The following DOCK3 variants were observed in gnomAD, a reference collection of about 807,000 sequenced individuals.
The protein encoded by DOCK3 is dedicator of cytokinesis 3, also known as dedicator of cytokinesis protein 3.
Under a neutral mutation model 265.6 loss-of-function variants are expected in DOCK3, and 60 were observed. The ratio of observed to expected loss-of-function variants is 0.23; its 90% CI spans 0.18 to 0.28. DOCK3 has a LOEUF of 0.28. DOCK3 is among the 10% of genes least tolerant of loss of function. The pLI is 1.00. For missense variants in DOCK3, 1,981 were observed against 2,594.3 expected (o/e 0.76, Z 5.14); for synonymous variants, 881 against 938.0 (o/e 0.94, Z 1.11).
At chr3:50,707,799 G>A (rs2036511236) in intron 1 of DOCK3, among the ~76,000 whole-genome samples, 1 of 152,132 alleles carries the variant, frequency 6.6e-6, no homozygotes, top group Non-Finnish European at 1.5e-5. Context: ...GGTGGCAGTG[G>A]CAGTGGTGTG....
chr3:50,965,811 T>C (rs1405989844), intron 5 of DOCK3, among the ~76,000 whole-genome samples: 3 of 152,140 alleles, frequency 2.0e-5, no homozygotes, highest in African/African-American at 7.2e-5. Context: ...TTAAAAATAT[T>C]TAATTGACAA....
chr3:51,261,216 C>T (rs1040917229), intron 23 of DOCK3, among the ~76,000 whole-genome samples: 19 of 151,358 alleles, frequency 1.3e-4, no homozygotes, highest in African/African-American at 3.4e-4. Flanking sequence ...CTGAGGTACC[C>T]GGCTCATCTC....
intron 1 of DOCK3, chr3:50,719,343 G>A: frequency 3.2e-6 from 1 of 314,704 alleles, no homozygotes; most frequent in South Asian, 7.5e-5. Context: ...GGAAGAGAAT[G>A]AGGAAAATAT....
chr3:50,700,795 A>G (rs2035989188), intron 1 of DOCK3, among the ~76,000 whole-genome samples: 4 of 152,110 alleles, frequency 2.6e-5, no homozygotes, highest in African/African-American at 9.7e-5. Context: ...TTGGATAGAT[A>G]CTCGGTAGTG....
chr3:51,127,239 A>G lies in DOCK3; in HGVS notation c.747-19310A>G, dbSNP rs185519953. ...GATTAAGGGTAGGTCTGCCTTCCCC[A>G]GCCCTCTGACTCAAATGTTAATCTC... On this transcript the variant is annotated intron_variant, in intron 9 of 52. Transcript: ENST00000266037. Among the ~76,000 whole-genome samples the G allele has an allele frequency of 3.8e-3, 583 of 152,212 alleles. 2 individuals are homozygous for G. Among genetic ancestry groups the G allele is most frequent in the Non-Finnish European group, 6.9e-3 (466 of 68,008 alleles).
At chr3:51,330,537 C>T (rs2084445841) in intron 33 of DOCK3, among the ~76,000 whole-genome samples, 1 of 152,178 alleles carries the variant, frequency 6.6e-6, no homozygotes, top group Admixed American at 6.5e-5. Flanking sequence ...CATGGAGACT[C>T]AGTTCTGGGC....
At chr3:50,885,261 G>C (rs72937243) in intron 3 of DOCK3, among the ~76,000 whole-genome samples, 3,117 of 151,894 alleles carry the variant, frequency 0.021, 106 homozygotes, top group African/African-American at 0.071. Context: ...TTCATTGTAT[G>C]GATGTGCTAC....
At chr3:51,029,049 A>C (rs2079931499) in intron 5 of DOCK3, among the ~76,000 whole-genome samples, 1 of 151,994 alleles carries the variant, frequency 6.6e-6, no homozygotes. Context: ...TCTTTTTTTA[A>C]AAATTTACTT....
intron 27 of DOCK3, among the ~76,000 whole-genome samples, chr3:51,281,293 A>C (rs2081102598): frequency 8.1e-6 from 1 of 123,834 alleles, no homozygotes. Flanking sequence ...ATATATATAT[A>C]TATATATATA....
At position 51,270,871 on chromosome 3, in the gene DOCK3, C is replaced by T. The variant is rs766555955; in HGVS notation, c.2412C>T (p.Thr804=). 25 of 1,613,856 alleles carry T rather than the reference C, an allele frequency of 1.5e-5. No individual in the cohort carries two copies. The highest frequency in any genetic ancestry group is 1.2e-4 in the South Asian group (11 of 91,084). The part of the protein sequence containing the change: ...TIFDELLQMF[T]VQEVAEFVRG... The stretch of plus-strand genomic sequence containing the variant: ...TTGATGAGCTTCTGCAAATGTTCAC[C>T]GTGCAAGAGGTGGCAGAGTTTGTGA... Residue 804 remains threonine, a synonymous_variant, in exon 24 of 53, where the codon ACC becomes ACT. Transcript: ENST00000266037.
intron 49 of DOCK3, among the ~76,000 whole-genome samples, chr3:51,363,556 A>G (rs888072319): frequency 6.6e-6 from 1 of 152,214 alleles, no homozygotes; most frequent in Non-Finnish European, 1.5e-5. Flanking sequence ...GTTACTATGT[A>G]TACATGTGCC....
At chr3:51,079,355 C>T (rs1179691449) in intron 7 of DOCK3, among the ~76,000 whole-genome samples, 1 of 151,956 alleles carries the variant, frequency 6.6e-6, no homozygotes, top group Non-Finnish European at 1.5e-5. Flanking sequence ...TGTTTTGAGA[C>T]AGAGTCTGTC....
At chr3:51,329,194 T>G (rs1428988058) in intron 32 of DOCK3, among the ~76,000 whole-genome samples, 1 of 152,114 alleles carries the variant, frequency 6.6e-6, no homozygotes, top group African/African-American at 2.4e-5. Flanking sequence ...CAATTTTATA[T>G]CATATCACTT....
chr3:50,881,059 C>A (rs1237547258), intron 3 of DOCK3, among the ~76,000 whole-genome samples: 1 of 152,136 alleles, frequency 6.6e-6, no homozygotes, highest in Non-Finnish European at 1.5e-5. Context: ...CAGAAAAGGC[C>A]TTCGACAAAA....
intron 2 of DOCK3, among the ~76,000 whole-genome samples, chr3:50,820,824 C>CTTTT (rs56022017): frequency 8.4e-5 from 11 of 131,226 alleles, no homozygotes; most frequent in African/African-American, 2.3e-4. Context: ...TTGCTGGCAT[C>CTTTT]TTTTTTTTTT....
intron 23 of DOCK3, among the ~76,000 whole-genome samples, chr3:51,267,267 T>C (rs1243150076): frequency 6.6e-6 from 1 of 152,168 alleles, no homozygotes; most frequent in Non-Finnish European, 1.5e-5. Context: ...TGGTGATTCC[T>C]CAAGGATCTA....
intron 3 of DOCK3, among the ~76,000 whole-genome samples, chr3:50,843,607 G>A (rs529474127): frequency 6.6e-6 from 1 of 152,238 alleles, no homozygotes; most frequent in East Asian, 1.9e-4. Context: ...ACAAAATGAG[G>A]AACCTAACTC....
intron 2 of DOCK3, among the ~76,000 whole-genome samples, chr3:50,815,583 T>C (rs2044027616): frequency 6.6e-6 from 1 of 152,174 alleles, no homozygotes; most frequent in Non-Finnish European, 1.5e-5. Flanking sequence ...GGAAATCCTC[T>C]GGGAGTTTCC....
chr3:50,784,637 C>A (rs909237181), intron 2 of DOCK3, among the ~76,000 whole-genome samples: 21 of 152,214 alleles, frequency 1.4e-4, no homozygotes, highest in African/African-American at 4.8e-4. Flanking sequence ...TCTACCCATT[C>A]ATATGCATGG....
Sources: allele counts gnomAD v4.1 joint callset (sites outside exome capture counted in the v4.1 genomes callset), GRCh38; gene constraint gnomAD v4.1.1; transcripts MANE v1.5; gene names NCBI Gene and HGNC (gene_info 2026-07-23, HGNC 2026-07-21).